Variants in SBF2 observed in about 807,000 individuals in gnomAD.
SBF2 encodes the protein myotubularin-related protein 13.
In SBF2, 112 loss-of-function variants were observed where a neutral mutation model predicts 225.2. The ratio of observed to expected loss-of-function variants is 0.50; its 90% CI spans 0.43 to 0.58. The LOEUF is 0.58. SBF2 is among the 20% of genes least tolerant of loss of function. The pLI, the probability that SBF2 is intolerant of heterozygous loss-of-function variation, is 0.00. For synonymous variants in SBF2, 763 were observed against 773.3 expected, an observed-to-expected ratio of 0.99 and a Z score of 0.22; for missense variants, 1,996 against 2,206.2, an observed-to-expected ratio of 0.90 and a Z score of 1.91.
At chr11:10,208,033 A>G (rs1957803320) in intron 1 of SBF2, among the ~76,000 whole-genome samples, 1 of 152,138 alleles carries the variant, frequency 6.6e-6, no homozygotes, top group Admixed American at 6.5e-5. Flanking sequence ...GAAAGTCCTC[A>G]AGAAAAACAC....
At chr11:9,783,275 T>TATCTA (rs1852155058) in intron 38 of SBF2, among the ~76,000 whole-genome samples, 1 of 152,250 alleles carries the variant, frequency 6.6e-6, no homozygotes, top group Non-Finnish European at 1.5e-5. Context: ...ATAAATTATC[T>TATCTA]ATCTATATTG....
intron 2 of SBF2, among the ~76,000 whole-genome samples, chr11:10,101,659 C>CTGTGTGTGTGTGTGTGTGTGTGTG (rs144213559): frequency 6.8e-6 from 1 of 148,050 alleles, no homozygotes; most frequent in African/African-American, 2.5e-5. Flanking sequence ...CTCTCTCGCT[C>CTGTGTGTGTGTGTGTGTGTGTGTG]TGTGTGTGTG....
intron 13 of SBF2, among the ~76,000 whole-genome samples, chr11:9,983,761 G>A (rs890979272): frequency 2.6e-4 from 40 of 152,188 alleles, no homozygotes; most frequent in African/African-American, 9.2e-4. Flanking sequence ...AGGACTCTGT[G>A]CAGACAATCC....
chr11:10,077,460 C>A (rs1031911473), intron 2 of SBF2, among the ~76,000 whole-genome samples: 1 of 152,056 alleles, frequency 6.6e-6, no homozygotes, highest in African/African-American at 2.4e-5. Flanking sequence ...CACATCTATA[C>A]ACCAATGGAA....
intron 17 of SBF2, among the ~76,000 whole-genome samples, chr11:9,870,572 G>A (rs565831313): frequency 2.0e-4 from 30 of 152,110 alleles, no homozygotes; most frequent in Non-Finnish European, 3.5e-4. Context: ...CCATCTGATC[G>A]TTGACAAACC....
chr11:10,214,011 A>T (rs1454362097), intron 1 of SBF2, among the ~76,000 whole-genome samples: 2 of 152,218 alleles, frequency 1.3e-5, no homozygotes, highest in Admixed American at 6.5e-5. Context: ...TAAGCCAATC[A>T]CCAAATTCCT....
At chr11:9,968,119 G>T (rs1867086855) in intron 14 of SBF2, among the ~76,000 whole-genome samples, 2 of 151,658 alleles carry the variant, frequency 1.3e-5, no homozygotes, top group Admixed American at 1.3e-4. Flanking sequence ...CAATAAAGCT[G>T]TTATTAAAAA....
At chr11:9,986,005 T>C (rs992748044) in intron 13 of SBF2, among the ~76,000 whole-genome samples, 7 of 152,146 alleles carry the variant, frequency 4.6e-5, no homozygotes, top group African/African-American at 1.7e-4. Context: ...CACATGGAAC[T>C]TTCTCCAAGA....
At chr11:10,228,895 C>A (rs1333129367) in intron 1 of SBF2, among the ~76,000 whole-genome samples, 1 of 152,044 alleles carries the variant, frequency 6.6e-6, no homozygotes, top group East Asian at 1.9e-4. Context: ...AGGAATGGTA[C>A]CAGCTCCTCC....
intron 32 of SBF2, among the ~76,000 whole-genome samples, chr11:9,802,770 C>G (rs1409992319): frequency 6.6e-6 from 1 of 152,188 alleles, no homozygotes; most frequent in East Asian, 1.9e-4. Flanking sequence ...ATTAAGTCAG[C>G]AAGAGTCAGA....
chr11:9,938,818 G>C (rs1865066063), intron 16 of SBF2, among the ~76,000 whole-genome samples: 1 of 151,660 alleles, frequency 6.6e-6, no homozygotes, highest in Non-Finnish European at 1.5e-5. Context: ...GTTCTAAACA[G>C]ACTGAAAATA....
At chr11:10,015,109 G>C (rs1948602563) in intron 6 of SBF2, among the ~76,000 whole-genome samples, 1 of 152,076 alleles carries the variant, frequency 6.6e-6, no homozygotes, top group African/African-American at 2.4e-5. Context: ...ACTCCAGCCT[G>C]GGCAACAAAG....
At chr11:9,781,745 T>G in intron 38 of SBF2, 107 bp from the exon 39 acceptor site, 1 of 1,281,128 alleles carries the variant, frequency 7.8e-7, no homozygotes, top group Non-Finnish European at 1.1e-6. Flanking sequence ...TTATATATGC[T>G]GAACTATGCC....
intron 32 of SBF2, among the ~76,000 whole-genome samples, chr11:9,796,980 C>G (rs543945875): frequency 6.6e-6 from 1 of 152,186 alleles, no homozygotes; most frequent in African/African-American, 2.4e-5. Flanking sequence ...CCTAGTCTGC[C>G]TCGCAATCTC....
At chr11:9,964,509 T>C (rs1866776337) in intron 14 of SBF2, among the ~76,000 whole-genome samples, 1 of 152,224 alleles carries the variant, frequency 6.6e-6, no homozygotes, top group South Asian at 2.1e-4. Flanking sequence ...AGTAATATTG[T>C]TAATATTTCT....
chr11:9,904,719 A>G (rs1861989981), intron 16 of SBF2, among the ~76,000 whole-genome samples: 1 of 152,216 alleles, frequency 6.6e-6, no homozygotes. Context: ...TTGACCTCAT[A>G]CTGGTCCATA....
At chr11:9,851,926 C>T (rs890719387) in intron 21 of SBF2, among the ~76,000 whole-genome samples, 46 of 152,138 alleles carry the variant, frequency 3.0e-4, no homozygotes, top group African/African-American at 8.2e-4. Flanking sequence ...AACACCACCA[C>T]GGCTGGCTAA....
intron 1 of SBF2, among the ~76,000 whole-genome samples, chr11:10,289,299 T>TG (rs1183478097): frequency 2.0e-5 from 3 of 151,786 alleles, no homozygotes; most frequent in African/African-American, 4.8e-5. Flanking sequence ...CTGTGTGGGG[T>TG]GGGGGGGCCT....
chr11:10,007,102 C>T (rs1222086328), intron 6 of SBF2, among the ~76,000 whole-genome samples: 6 of 152,066 alleles, frequency 3.9e-5, no homozygotes, highest in South Asian at 2.1e-4. Context: ...TGGAACCGCA[C>T]GGATGAACAG....
Sources: allele counts gnomAD v4.1 joint callset (sites outside exome capture counted in the v4.1 genomes callset), GRCh38; gene constraint gnomAD v4.1.1; transcripts MANE v1.5; gene names NCBI Gene and HGNC (gene_info 2026-07-23, HGNC 2026-07-21).